ZFHX3: variants seen among roughly 807,000 people sequenced by gnomAD.
ZFHX3 encodes zinc finger homeobox protein 3.
Under a neutral mutation model 279.1 loss-of-function variants are expected in ZFHX3, and 42 were observed. The observed-to-expected ratio is 0.15, with a 90% CI of 0.12 to 0.19. ZFHX3 has a LOEUF of 0.19. Among genes scored for constraint, ZFHX3 ranks in the 10% least tolerant of loss-of-function variants. The pLI is 1.00. For missense variants in ZFHX3, 4,981 were observed against 4,754.0 expected, an observed-to-expected ratio of 1.05 and a Z score of -1.40; for synonymous variants, 2,293 against 1,957.8, an observed-to-expected ratio of 1.17 and a Z score of -4.52.
At chr16:72,983,492 A>T (rs1346841994) in intron 1 of ZFHX3, among the ~76,000 whole-genome samples, 1 of 152,204 alleles carries the variant, frequency 6.6e-6, no homozygotes, top group Non-Finnish European at 1.5e-5. Context: ...GGATCACTTG[A>T]GCCTGGCAGT....
intron 3 of ZFHX3, among the ~76,000 whole-genome samples, chr16:72,894,845 C>A (rs185660965): frequency 1.3e-5 from 2 of 152,330 alleles, no homozygotes; most frequent in East Asian, 3.9e-4. Context: ...CAACCCCTTC[C>A]GCCTCTATCA....
chr16:73,851,086 C>T (rs181019234), intron 1 of ZFHX3, among the ~76,000 whole-genome samples: 2 of 152,154 alleles, frequency 1.3e-5, no homozygotes, highest in East Asian at 1.9e-4. Context: ...TCTTCACTTC[C>T]GAGTTATAGT....
chr16:72,864,797 C>A (rs1338275895), intron 4 of ZFHX3, among the ~76,000 whole-genome samples: 2 of 152,190 alleles, frequency 1.3e-5, no homozygotes, highest in African/African-American at 4.8e-5. Flanking sequence ...CAATCATCTA[C>A]ATAGCAGGCT....
At chr16:73,074,600 CAAT>C (rs946879413) in intron 8 of ZFHX3, among the ~76,000 whole-genome samples, 17 of 150,324 alleles carry the variant, frequency 1.1e-4, no homozygotes, top group African/African-American at 4.2e-4. Flanking sequence ...ATGATGACGA[CAAT>C]GATGACGACA....
chr16:73,411,687 C>T (rs978636368), intron 3 of ZFHX3, among the ~76,000 whole-genome samples: 10 of 152,140 alleles, frequency 6.6e-5, no homozygotes, highest in Admixed American at 4.6e-4. Flanking sequence ...AAATTCAGAT[C>T]GATGGCTTCT....
chr16:73,184,003 G>C (rs1177508116), intron 5 of ZFHX3, among the ~76,000 whole-genome samples: 1 of 152,144 alleles, frequency 6.6e-6, no homozygotes, highest in Non-Finnish European at 1.5e-5. Flanking sequence ...AAAGAGCAGG[G>C]CCTCAGGGAT....
At chr16:73,477,601 G>A (rs902689372) in intron 2 of ZFHX3, among the ~76,000 whole-genome samples, 1 of 152,156 alleles carries the variant, frequency 6.6e-6, no homozygotes, top group Non-Finnish European at 1.5e-5. Context: ...CAGTTCCCGC[G>A]GACCCTGCCA....
Position 72,811,562 on chromosome 16 carries a change from T to G in ZFHX3, c.3864+15A>C. 6.4e-7 allele frequency: 1 copy of G among 1,567,808 alleles called. No homozygotes were observed. Among genetic ancestry groups the G allele is most frequent in the Non-Finnish European group, 8.7e-7 (1 of 1,152,882 alleles). On this transcript the variant is annotated intron_variant, in intron 7 of 9. Transcript: ENST00000268489. ...CTGGAGAAAGACCACAGGGTGCTGC[T>G]CCTGGCTGCCTTACCGTCATAATGA...
chr16:73,249,779 C>G (rs896654892), intron 5 of ZFHX3, among the ~76,000 whole-genome samples: 2 of 150,916 alleles, frequency 1.3e-5, no homozygotes, highest in Non-Finnish European at 3.0e-5. Context: ...GAAAAAAAAC[C>G]CAGTTAACTC....
At chr16:73,259,497 C>T (rs943795539) in intron 4 of ZFHX3, among the ~76,000 whole-genome samples, 5 of 151,976 alleles carry the variant, frequency 3.3e-5, no homozygotes, top group African/African-American at 4.8e-5. Flanking sequence ...ATACCTTTTT[C>T]GATTTCTTGG....
chr16:72,923,400 A>G lies in ZFHX3; in HGVS notation c.3216+27069T>C, dbSNP rs138513739. Among the ~76,000 whole-genome samples, 65 of 151,274 alleles carry G rather than the reference A, an allele frequency of 4.3e-4. No individual in the cohort carries two copies. In the East Asian group the frequency reaches 6.0e-3, roughly 14 times the overall value. On this transcript the variant is annotated intron_variant, in intron 3 of 9. Transcript: ENST00000268489. The stretch of plus-strand genomic sequence containing the variant: ...GCAGAGGCTGCAGTGAGCTGTGATC[A>G]CACCACTGCACTCCAGCCTGGGCGA...
At chr16:73,698,242 T>C (rs1235668253) in intron 1 of ZFHX3, among the ~76,000 whole-genome samples, 1 of 152,156 alleles carries the variant, frequency 6.6e-6, no homozygotes, top group Non-Finnish European at 1.5e-5. Context: ...TTCATATTGG[T>C]ATAAATTAAT....
chr16:73,536,941 AAAAG>A (rs886548235), intron 2 of ZFHX3, among the ~76,000 whole-genome samples: 1 of 152,324 alleles, frequency 6.6e-6, no homozygotes, highest in South Asian at 2.1e-4. Flanking sequence ...TTATTAAAAA[AAAAG>A]AAAGAAAGAA....
intron 1 of ZFHX3, among the ~76,000 whole-genome samples, chr16:73,758,150 C>T (rs1161941132): frequency 1.3e-5 from 2 of 152,112 alleles, no homozygotes; most frequent in Non-Finnish European, 2.9e-5. Flanking sequence ...CCAAAGGGGC[C>T]CATTCCACCT....
chr16:73,860,900 T>C (rs1961864592), intron 1 of ZFHX3, among the ~76,000 whole-genome samples: 1 of 152,034 alleles, frequency 6.6e-6, no homozygotes, highest in Non-Finnish European at 1.5e-5. Context: ...AAAAGTTCTA[T>C]ATGGGGAGGG....
At chr16:73,007,274 G>A (rs1435923949) in intron 1 of ZFHX3, among the ~76,000 whole-genome samples, 1 of 152,152 alleles carries the variant, frequency 6.6e-6, no homozygotes, top group South Asian at 2.1e-4. Context: ...TGTAACCTTT[G>A]TGATGGTGTT....
intron 5 of ZFHX3, among the ~76,000 whole-genome samples, chr16:72,816,493 A>T (rs2036608995): frequency 6.6e-6 from 1 of 152,196 alleles, no homozygotes; most frequent in Admixed American, 6.5e-5. Flanking sequence ...CTCAAACTTA[A>T]CAGGACGTGA....
chr16:73,210,579 T>C (rs9931398), intron 5 of ZFHX3, among the ~76,000 whole-genome samples: 3,025 of 152,288 alleles, frequency 0.02, 109 homozygotes, highest in African/African-American at 0.07. Flanking sequence ...GTTATTCCTA[T>C]TGACCTGAAT....
chr16:73,317,611 C>T (rs2015480975), intron 4 of ZFHX3, among the ~76,000 whole-genome samples: 1 of 152,138 alleles, frequency 6.6e-6, no homozygotes. Flanking sequence ...GATTGCATCA[C>T]TGCTGGGGTT....
Sources: allele counts gnomAD v4.1 joint callset (sites outside exome capture counted in the v4.1 genomes callset), GRCh38; gene constraint gnomAD v4.1.1; transcripts MANE v1.5; gene names NCBI Gene and HGNC (gene_info 2026-07-23, HGNC 2026-07-21).